TVP23B: variants seen among roughly 807,000 people sequenced by gnomAD.
TVP23B encodes the protein Golgi apparatus membrane protein TVP23 homolog B.
A neutral mutation model predicts 30.6 loss-of-function variants in TVP23B; 10 were observed. The observed-to-expected ratio is 0.33, with a 90% CI of 0.20 to 0.55. The LOEUF is 0.55. Among genes scored for constraint, TVP23B ranks in the 20% least tolerant of loss-of-function variants. The probability of loss-of-function intolerance (pLI) is 0.91; values close to 1 mark genes in which losing one functional copy is unlikely to be tolerated. For synonymous variants in TVP23B, 67 were observed against 83.1 expected, an observed-to-expected ratio of 0.81 and a Z score of 1.06; for missense variants, 153 against 243.2, an observed-to-expected ratio of 0.63 and a Z score of 2.47.
At chr17:18,787,302 G>A (rs1164867896) in intron 1 of TVP23B, among the ~76,000 whole-genome samples, 2 of 151,290 alleles carry the variant, frequency 1.3e-5, no homozygotes, top group East Asian at 3.9e-4. Flanking sequence ...TCAGGAGGCT[G>A]AGGCACTAGA....
At chr17:18,786,819 T>C (rs1291282065) in intron 1 of TVP23B, among the ~76,000 whole-genome samples, 1 of 150,588 alleles carries the variant, frequency 6.6e-6, no homozygotes, top group Non-Finnish European at 1.5e-5. Context: ...TAGACAAACT[T>C]CCTGTATTCC....
At chr17:18,793,220 G>A (rs1342601226) in intron 3 of TVP23B, among the ~76,000 whole-genome samples, 1 of 151,984 alleles carries the variant, frequency 6.6e-6, no homozygotes, top group Non-Finnish European at 1.5e-5. Context: ...TAATTTAAAG[G>A]TATGCTTAAA....
At chr17:18,792,224 C>T (rs1460239455) in intron 3 of TVP23B, among the ~76,000 whole-genome samples, 4 of 151,988 alleles carry the variant, frequency 2.6e-5, no homozygotes, top group Non-Finnish European at 4.4e-5. Context: ...TTAGTACAGA[C>T]GGGGTTTCTC....
At chr17:18,783,915 A>G (rs9915565) in intron 1 of TVP23B, among the ~76,000 whole-genome samples, 122,329 of 151,920 alleles carry the variant, frequency 0.81, 48,916 homozygotes, top group East Asian at 0.88. Flanking sequence ...GGGAGGCCGA[A>G]GCGGGTGGAT....
chr17:18,799,418 C>T (rs995602800), intron 5 of TVP23B, among the ~76,000 whole-genome samples: 1 of 151,984 alleles, frequency 6.6e-6, no homozygotes, highest in Non-Finnish European at 1.5e-5. Flanking sequence ...CCTGTGCCTT[C>T]GTTTGGGCTT....
intron 3 of TVP23B, among the ~76,000 whole-genome samples, chr17:18,791,920 T>A (rs916055224): frequency 8.6e-5 from 13 of 151,990 alleles, no homozygotes; most frequent in Non-Finnish European, 1.6e-4. Flanking sequence ...AGTAAAATAG[T>A]GGAGAAAAAA....
chr17:18,803,127 C>A (rs1396674072), intron 5 of TVP23B, among the ~76,000 whole-genome samples: 1 of 152,038 alleles, frequency 6.6e-6, no homozygotes, highest in African/African-American at 2.4e-5. Context: ...TGGAAAACGA[C>A]ATTTCATTGA....
At chr17:18,805,275 G>C (rs981216535) in intron 6 of TVP23B, among the ~76,000 whole-genome samples, 3 of 151,268 alleles carry the variant, frequency 2.0e-5, no homozygotes, top group Non-Finnish European at 4.4e-5. Context: ...TAGTAGAGAC[G>C]GGGTTTCACC....
At chr17:18,795,085 G>A (rs2036056997) in intron 3 of TVP23B, among the ~76,000 whole-genome samples, 2 of 134,606 alleles carry the variant, frequency 1.5e-5, no homozygotes, top group Admixed American at 1.7e-4. Flanking sequence ...GAATGCAGTG[G>A]TGTGATCTCG....
intron 1 of TVP23B, among the ~76,000 whole-genome samples, chr17:18,786,252 C>G (rs2035903964): frequency 1.3e-5 from 2 of 151,618 alleles, no homozygotes; most frequent in African/African-American, 4.9e-5. Context: ...ATTCTTTTTG[C>G]CAAGTAAATT....
intron 6 of TVP23B, chr17:18,804,596 T>G (rs2036220054): frequency 8.3e-7 from 1 of 1,200,324 alleles, no homozygotes; most frequent in South Asian, 2.2e-5. Context: ...ATGTTTTTTT[T>G]TTTTTTTTTT....
Position 18,788,124 on chromosome 17 carries a change from C to T in TVP23B, c.13-1229C>T, listed in dbSNP as rs966436108. 6.0e-5 allele frequency among the ~76,000 whole-genome samples: 9 copies of T among 150,850 alleles called. No individual in the cohort carries two copies. The South Asian group carries it at 8.4e-4, about 14-fold the overall frequency. On this transcript the variant is annotated intron_variant, in intron 1 of 6. Coordinates refer to ENST00000307767, the MANE Select transcript of TVP23B (RefSeq NM_016078.6). ...GGCCGAGGCGGCTGGATCACAAGGTCATGAAATCTCCTGGTTAACACGGTG... is the reference window on the plus strand; with the variant it reads ...GGCCGAGGCGGCTGGATCACAAGGTTATGAAATCTCCTGGTTAACACGGTG...
intron 3 of TVP23B, chr17:18,795,928 C>T (rs1227433424): frequency 1.3e-5 from 2 of 151,024 alleles, no homozygotes; most frequent in Non-Finnish European, 3.0e-5. Flanking sequence ...AAAAATATAG[C>T]ATATATAAGG....
intron 1 of TVP23B, chr17:18,789,125 G>A (rs1048182942): frequency 2.5e-5 from 15 of 601,580 alleles, no homozygotes; most frequent in Non-Finnish European, 4.2e-5. Flanking sequence ...GCAGCCTAGG[G>A]GCAGGGATGG....
chr17:18,784,366 G>A (rs923206363), intron 1 of TVP23B, among the ~76,000 whole-genome samples: 130 of 152,252 alleles, frequency 8.5e-4, no homozygotes, highest in African/African-American at 3.0e-3. Context: ...CAGTGGTCAT[G>A]GCTGGGTGCA....
chr17:18,796,479 G>A (rs8074173), intron 3 of TVP23B: 33,331 of 152,234 alleles, frequency 0.22, 4,158 homozygotes, highest in East Asian at 0.55. Context: ...GGAGGCAGAG[G>A]TTGCGGTGAG....
Position 18,798,834 on chromosome 17 carries a change from C to G in TVP23B, c.353C>G (p.Thr118Ser). The G allele has an allele frequency of 6.2e-7, 1 of 1,613,472 alleles. No individual in the cohort carries two copies. Among genetic ancestry groups the G allele is most frequent in the Non-Finnish European group, 8.5e-7 (1 of 1,179,662 alleles). The change falls in exon 5 of 7, where the codon ACT (threonine) becomes AGT (serine). Residue 118 changes from threonine to serine, a missense_variant. Physicochemically the swap from Thr to Ser is moderately conservative, Grantham distance 58. Coordinates refer to ENST00000307767, the MANE Select transcript of TVP23B (RefSeq NM_016078.6). ...TAGGAGTCCTCTCAAGAGAATAAAA[C>G]TGTGTCAGAGGCTGAATCAAGAATC... is the stretch of plus-strand genomic sequence containing the variant. Reference protein sequence around the residue: ...SRKESSQENKTVSEAESRIFW... With the variant: ...SRKESSQENKSVSEAESRIFW...
intron 1 of TVP23B, 74 bp downstream of exon 1, chr17:18,781,379 C>T (rs537513903): frequency 6.1e-5 from 93 of 1,536,970 alleles, no homozygotes; most frequent in African/African-American, 4.1e-4. Flanking sequence ...GGACTGGAGC[C>T]CGCGTCCCCC....
intron 3 of TVP23B, among the ~76,000 whole-genome samples, chr17:18,792,200 AT>A (rs1270352282): frequency 6.6e-6 from 1 of 151,480 alleles, no homozygotes; most frequent in Non-Finnish European, 1.5e-5. Flanking sequence ...CGCCTGGCTA[AT>A]TTTTTTGTAT....
Sources: allele counts gnomAD v4.1 joint callset (sites outside exome capture counted in the v4.1 genomes callset), GRCh38; gene constraint gnomAD v4.1.1; transcripts MANE v1.5; gene names NCBI Gene and HGNC (gene_info 2026-07-23, HGNC 2026-07-21).